The following KCNG3 variants were observed in gnomAD, a reference collection of about 807,000 sequenced individuals.
KCNG3 encodes the protein voltage-gated potassium channel regulatory subunit KCNG3.
In KCNG3, 15 loss-of-function variants were observed where a neutral mutation model predicts 29.0. The observed-to-expected ratio is 0.52, with a 90% confidence interval of 0.35 to 0.80. The LOEUF is 0.80. Among genes scored for constraint, KCNG3 ranks in the 30% least tolerant of loss-of-function variants. The pLI is 0.01. For synonymous variants in KCNG3, 322 were observed against 248.9 expected (o/e 1.29, Z -2.76); for missense variants, 512 against 605.7 (o/e 0.85, Z 1.62).
At chr2:42,478,945 T>C (rs1378718990) in intron 1 of KCNG3, among the ~76,000 whole-genome samples, 3 of 145,788 alleles carry the variant, frequency 2.1e-5, no homozygotes, top group Non-Finnish European at 4.5e-5. Context: ...TAGAAGTATT[T>C]CAGAGTTTGA....
At chr2:42,394,204 A>G in the KCNG3 span, among the ~76,000 whole-genome samples, 3 of 152,214 alleles carry the variant, frequency 2.0e-5, no homozygotes, top group African/African-American at 7.2e-5. Flanking sequence ...TGACCATGAC[A>G]TGCTGCAGGG....
chr2:42,469,236 G>C (rs1481259355), intron 1 of KCNG3, among the ~76,000 whole-genome samples: 1 of 151,844 alleles, frequency 6.6e-6, no homozygotes, highest in East Asian at 1.9e-4. Context: ...GGCCAACATG[G>C]GGAAACCCCA....
At chr2:42,417,212 C>T in the KCNG3 span, among the ~76,000 whole-genome samples, 46 of 152,100 alleles carry the variant, frequency 3.0e-4, no homozygotes, top group Non-Finnish European at 5.4e-4. Flanking sequence ...CACTGCTCTC[C>T]GGCCTGGGCA....
chr2:42,394,031 T>A, the KCNG3 span, among the ~76,000 whole-genome samples: 4 of 152,180 alleles, frequency 2.6e-5, no homozygotes, highest in Admixed American at 6.5e-5. Flanking sequence ...TCCACCTGTC[T>A]CAGCCTCCCA....
At chr2:42,424,228 C>T in the KCNG3 span, among the ~76,000 whole-genome samples, 7 of 152,162 alleles carry the variant, frequency 4.6e-5, no homozygotes, top group Non-Finnish European at 1.0e-4. Context: ...AGTGCCAAAA[C>T]TCATTTTTGT....
the KCNG3 span, among the ~76,000 whole-genome samples, chr2:42,391,970 C>CAT: frequency 2.6e-5 from 4 of 152,152 alleles, no homozygotes; most frequent in Non-Finnish European, 4.4e-5. Flanking sequence ...GCCAGGCACT[C>CAT]ATATCAGTAT....
At chr2:42,430,407 TAA>T in the KCNG3 span, among the ~76,000 whole-genome samples, 3 of 150,502 alleles carry the variant, frequency 2.0e-5, no homozygotes, top group South Asian at 4.2e-4. Flanking sequence ...AATAAATAAA[TAA>T]ATACGCTAAC....
At position 42,477,427 on chromosome 2, in the gene KCNG3, ATTTT is replaced by A. The variant is rs768215543; in HGVS notation, c.665+15406_665+15409del. Among the ~76,000 whole-genome samples, 81 of 108,974 alleles carry A rather than the reference ATTTT, an allele frequency of 7.4e-4. 1 individual carries two copies. The highest frequency in any genetic ancestry group is 1.4e-3 in the African/African-American group (34 of 24,884). The allele number at this position is 108,974 out of a possible 152,430, so 71.5% of individuals were successfully genotyped here. ...CACACACACACACACACACACATATATTTTTTTTTTTTTTTTTTGAGACGGAGTC... is the reference window on the plus strand; with the variant it reads ...CACACACACACACACACACACATATATTTTTTTTTTTTTTGAGACGGAGTC... On this transcript the variant is annotated intron_variant, in intron 1 of 1. Coordinates refer to ENST00000306078, the MANE Select transcript of KCNG3 (RefSeq NM_133329.6).
the KCNG3 span, among the ~76,000 whole-genome samples, chr2:42,401,429 A>T: frequency 6.6e-6 from 1 of 150,554 alleles, no homozygotes; most frequent in Non-Finnish European, 1.5e-5. Context: ...AAATATATTT[A>T]TATAAATATA....
chr2:42,396,222 A>T, the KCNG3 span, among the ~76,000 whole-genome samples: 1 of 152,230 alleles, frequency 6.6e-6, no homozygotes, highest in Non-Finnish European at 1.5e-5. Flanking sequence ...AATTCAAAAA[A>T]ATCATTAAGT....
chr2:42,397,931 T>C, the KCNG3 span, among the ~76,000 whole-genome samples: 4 of 152,172 alleles, frequency 2.6e-5, no homozygotes, highest in East Asian at 7.7e-4. Flanking sequence ...GTCTTTAAAA[T>C]CAAGAAGACG....
At chr2:42,460,213 CA>C (rs1188764774) in intron 1 of KCNG3, among the ~76,000 whole-genome samples, 1 of 151,652 alleles carries the variant, frequency 6.6e-6, no homozygotes, top group Non-Finnish European at 1.5e-5. Flanking sequence ...AAAAAAATAG[CA>C]GGCATGATGG....
At chr2:42,409,724 AAAAAAT>A in the KCNG3 span, among the ~76,000 whole-genome samples, 11 of 72,256 alleles carry the variant, frequency 1.5e-4, 1 homozygote, top group East Asian at 9.6e-4. Context: ...AAAAAAAAAA[AAAAAAT>A]TTTTTTTTAA....
intron 1 of KCNG3, among the ~76,000 whole-genome samples, chr2:42,469,045 C>G (rs1358249083): frequency 2.0e-5 from 3 of 149,990 alleles, no homozygotes; most frequent in Middle Eastern, 7.1e-3. Flanking sequence ...TCAAAATTCC[C>G]AAGAAGGGTT....
the KCNG3 span, among the ~76,000 whole-genome samples, chr2:42,416,206 G>A: frequency 1.3e-5 from 2 of 152,042 alleles, no homozygotes; most frequent in Non-Finnish European, 2.9e-5. Flanking sequence ...GAAGGCAGGA[G>A]GAATAGTGAG....
At chr2:42,468,255 C>T (rs1673193709) in intron 1 of KCNG3, among the ~76,000 whole-genome samples, 2 of 152,118 alleles carry the variant, frequency 1.3e-5, no homozygotes, top group African/African-American at 4.8e-5. Context: ...GTATCACTGT[C>T]TACATTACAA....
At chr2:42,463,213 G>A in intron 1 of KCNG3, 1 of 343,106 alleles carries the variant, frequency 2.9e-6, no homozygotes, top group Non-Finnish European at 5.5e-6. Flanking sequence ...TGAGCTGACA[G>A]CATCAGCTTG....
At chr2:42,463,906 A>C in intron 1 of KCNG3, 1 of 309,268 alleles carries the variant, frequency 3.2e-6, no homozygotes. Context: ...TTTTGTTTTC[A>C]AATCAAGTTT....
At chr2:42,437,157 C>A (rs1199702266), downstream of KCNG3, among the ~76,000 whole-genome samples, 10 of 152,080 alleles carry the variant, frequency 6.6e-5, no homozygotes, top group Admixed American at 5.2e-4. Flanking sequence ...CCACCTTGTA[C>A]CACAGCACAA....
Sources: gnomAD v4.1 joint callset for allele counts (sites outside exome capture counted in the v4.1 genomes callset) on GRCh38, gnomAD v4.1.1 for gene constraint, MANE v1.5 for transcripts, NCBI Gene and HGNC (gene_info 2026-07-23, HGNC 2026-07-21) for gene names.